Variants in KCNMA1 observed in about 807,000 individuals in gnomAD.
KCNMA1 encodes the protein potassium calcium-activated channel subfamily M alpha 1.
In KCNMA1, 29 loss-of-function variants were observed where a neutral mutation model predicts 140.0. The observed-to-expected ratio is 0.21, with a 90% CI of 0.15 to 0.28. The LOEUF (loss-of-function observed/expected upper bound fraction) is 0.28. Among genes scored for constraint, KCNMA1 ranks in the 10% least tolerant of loss-of-function variants. KCNMA1 has a pLI of 1.00. For missense variants in KCNMA1, 880 were observed against 1,602.2 expected (o/e 0.55, Z 7.70); for synonymous variants, 612 against 611.9 (o/e 1.00, Z 0.00).
intron 2 of KCNMA1, among the ~76,000 whole-genome samples, chr10:77,361,259 C>G (rs2093925540): frequency 6.6e-6 from 1 of 152,214 alleles, no homozygotes; most frequent in Non-Finnish European, 1.5e-5. Flanking sequence ...TCGTCATCAT[C>G]ATCATCATTG....
intron 1 of KCNMA1, among the ~76,000 whole-genome samples, chr10:77,427,720 C>T (rs142177301): frequency 0.047 from 3,189 of 67,914 alleles, 61 homozygotes; most frequent in African/African-American, 0.13. Context: ...TCCATCCATT[C>T]ATTTATTTAT....
chr10:77,188,593 G>A (rs1733058471), intron 3 of KCNMA1, among the ~76,000 whole-genome samples: 1 of 152,134 alleles, frequency 6.6e-6, no homozygotes, highest in Non-Finnish European at 1.5e-5. Flanking sequence ...GTAGGGTAGA[G>A]GTTGAAATAC....
At chr10:77,384,006 T>C (rs761169717) in intron 2 of KCNMA1, among the ~76,000 whole-genome samples, 4 of 152,252 alleles carry the variant, frequency 2.6e-5, no homozygotes, top group South Asian at 4.1e-4. Flanking sequence ...ATGAAAGATT[T>C]GTGCGTCACC....
intron 1 of KCNMA1, among the ~76,000 whole-genome samples, chr10:77,480,382 C>T (rs2098367169): frequency 6.6e-6 from 1 of 152,202 alleles, no homozygotes; most frequent in Non-Finnish European, 1.5e-5. Context: ...GTCATAAAAC[C>T]CTGGTCTGAA....
At chr10:77,279,489 G>A (rs2067715276) in intron 2 of KCNMA1, among the ~76,000 whole-genome samples, 1 of 152,128 alleles carries the variant, frequency 6.6e-6, no homozygotes, top group African/African-American at 2.4e-5. Flanking sequence ...TTTCATCAGG[G>A]AACCTCAACA....
At chr10:77,286,311 C>A (rs1473262476) in intron 2 of KCNMA1, among the ~76,000 whole-genome samples, 1 of 152,158 alleles carries the variant, frequency 6.6e-6, no homozygotes, top group Non-Finnish European at 1.5e-5. Context: ...AGCCTGAGAG[C>A]GGAGGCTGAT....
chr10:77,106,691 C>G (rs957464801), intron 9 of KCNMA1, among the ~76,000 whole-genome samples: 6 of 152,176 alleles, frequency 3.9e-5, no homozygotes, highest in African/African-American at 1.4e-4. Flanking sequence ...CCCAGGCCCT[C>G]AGAATGCCTT....
intron 5 of KCNMA1, among the ~76,000 whole-genome samples, chr10:77,181,698 T>G (rs2098803966): frequency 6.6e-6 from 1 of 152,076 alleles, no homozygotes; most frequent in Admixed American, 6.6e-5. Flanking sequence ...CAGATTTGTG[T>G]GTGACTCTAC....
intron 1 of KCNMA1, among the ~76,000 whole-genome samples, chr10:77,445,445 G>C (rs1050891868): frequency 7.9e-5 from 12 of 151,840 alleles, no homozygotes; most frequent in African/African-American, 2.7e-4. Flanking sequence ...AACTATGGTT[G>C]ATTTGTTGAT....
rs1252750690 is a variant in KCNMA1 at position 77,082,784 on chromosome 10, T to C, written c.1523+1853A>G. 2.6e-5 allele frequency among the ~76,000 whole-genome samples: 4 copies of C among 152,116 alleles called. No individual in the cohort carries two copies. In the East Asian group the frequency reaches 7.7e-4, roughly 29 times the overall value. ...TGGCAAGCCCAAAGCTTAGAAGAGT[T>C]CACGCATCCACTTCCTTAAAATGAC... On this transcript the variant is annotated intron_variant, in intron 12 of 27. Transcript: ENST00000286628.
downstream of KCNMA1, chr10:76,872,982 T>A (rs536840214): frequency 6.6e-6 from 1 of 152,142 alleles, no homozygotes; most frequent in African/African-American, 2.4e-5. Flanking sequence ...TAAAAAAATA[T>A]GCCAAAAGAG....
At position 77,272,410 on chromosome 10, in the gene KCNMA1, T is replaced by A. The variant is rs369554195; in HGVS notation, c.541-21154A>T. Among the ~76,000 whole-genome samples the A allele has an allele frequency of 6.6e-5, 10 of 152,312 alleles. No individual in the cohort carries two copies. In the East Asian group the frequency reaches 1.5e-3, roughly 24 times the overall value. The stretch of plus-strand genomic sequence containing the variant: ...AGGCAGTCAATTCCATAATACTTGA[T>A]ACATACAGTTAACTATTTTTGTGTA... On this transcript the variant is annotated intron_variant, in intron 2 of 27. Transcript: ENST00000286628.
intron 25 of KCNMA1, among the ~76,000 whole-genome samples, chr10:76,906,220 T>G (rs186659171): frequency 1.3e-5 from 2 of 152,240 alleles, no homozygotes; most frequent in East Asian, 3.9e-4. Context: ...GATAGCTGGA[T>G]GAAAAAGAAA....
chr10:77,420,248 T>A (rs1489559722), intron 1 of KCNMA1, among the ~76,000 whole-genome samples: 1 of 152,248 alleles, frequency 6.6e-6, no homozygotes. Context: ...CTTTGCTCTC[T>A]GTAAGCCTCC....
intron 2 of KCNMA1, among the ~76,000 whole-genome samples, chr10:77,349,836 T>C (rs1199040044): frequency 1.3e-5 from 2 of 152,174 alleles, no homozygotes; most frequent in African/African-American, 2.4e-5. Context: ...TTGTTGTCCA[T>C]TTTTTTAAAG....
intron 5 of KCNMA1, among the ~76,000 whole-genome samples, chr10:77,181,737 G>A (rs1276160878): frequency 2.0e-5 from 3 of 152,076 alleles, no homozygotes; most frequent in Non-Finnish European, 4.4e-5. Flanking sequence ...GAGAAAATAA[G>A]GAGGAATCAG....
intron 1 of KCNMA1, among the ~76,000 whole-genome samples, chr10:77,565,526 A>G (rs12781774): frequency 0.16 from 23,832 of 152,232 alleles, 2,182 homozygotes; most frequent in Middle Eastern, 0.24. Flanking sequence ...CCTGGTGCTG[A>G]AGAGCTGGGG....
At chr10:77,090,636 T>C (rs2096791425) in intron 9 of KCNMA1, 126 bp from the exon 10 acceptor site, 2 of 712,016 alleles carry the variant, frequency 2.8e-6, no homozygotes, top group Admixed American at 2.0e-5. Context: ...TCCGCCTCCA[T>C]AAAAGCCCAG....
At chr10:77,033,168 G>T (rs1379324384) in intron 15 of KCNMA1, among the ~76,000 whole-genome samples, 1 of 152,100 alleles carries the variant, frequency 6.6e-6, no homozygotes, top group Non-Finnish European at 1.5e-5. Context: ...TGGGAAACAA[G>T]GTCTTCTGGA....
Sources: gnomAD v4.1 joint callset for allele counts (sites outside exome capture counted in the v4.1 genomes callset) on GRCh38, gnomAD v4.1.1 for gene constraint, MANE v1.5 for transcripts, NCBI Gene and HGNC (gene_info 2026-07-23, HGNC 2026-07-21) for gene names.